Variants in ZNF23 observed in about 807,000 individuals in gnomAD.
ZNF23 encodes kruppel-like zinc finger factor X31.
Under a neutral mutation model 56.2 loss-of-function variants are expected in ZNF23, and 48 were observed. The ratio of observed to expected loss-of-function variants is 0.85; its 90% CI spans 0.68 to 1.09. The LOEUF (loss-of-function observed/expected upper bound fraction) is 1.09, where lower values mean the gene tolerates loss of function less well. ZNF23 is among the 50% of genes least tolerant of loss of function. The pLI, the probability that ZNF23 is intolerant of heterozygous loss-of-function variation, is 0.00. For missense variants in ZNF23, 805 were observed against 811.4 expected (o/e 0.99, Z 0.10); for synonymous variants, 266 against 283.3 (o/e 0.94, Z 0.61).
intron 3 of ZNF23, 115 bp downstream of exon 3, chr16:71,453,927 T>C (rs981974428): frequency 7.9e-7 from 1 of 1,263,170 alleles, no homozygotes; most frequent in African/African-American, 1.5e-5. Flanking sequence ...GGAACAGCTC[T>C]GGGGTTCTCA....
chr16:71,450,494 A>G, intron 4 of ZNF23: 1 of 274,570 alleles, frequency 3.6e-6, no homozygotes, highest in Non-Finnish European at 7.2e-6. Flanking sequence ...TGAAGCAGGC[A>G]GATTGCCTGA....
At chr16:71,456,114 TG>T in intron 2 of ZNF23, 1 of 449,430 alleles carries the variant, frequency 2.2e-6, no homozygotes, top group Middle Eastern at 4.0e-4. Context: ...AGGGGATCCG[TG>T]AAGTCCCTGA....
At chr16:71,458,052 G>C (rs2043304401) in intron 1 of ZNF23, among the ~76,000 whole-genome samples, 1 of 152,122 alleles carries the variant, frequency 6.6e-6, no homozygotes, top group South Asian at 2.1e-4. Flanking sequence ...GTCTTGAGAG[G>C]TCAGTCCTCC....
In ZNF23 at chr16:71,455,351, T is replaced by C. The variant is rs890487926; in HGVS notation, c.34-1183A>G. On this transcript the variant is annotated intron_variant, in intron 2 of 4. Coordinates refer to ENST00000647773, the MANE Select transcript of ZNF23 (RefSeq NM_001381984.1). ...ACCACAAATCCTTTGAGTCTCTATG[T>C]CCGAAAGATTTTTTTTTTTCTTTGA... Among the ~76,000 whole-genome samples the C allele has an allele frequency of 3.3e-5, 5 of 151,998 alleles. No homozygotes were observed. The East Asian group carries it at 9.7e-4, about 29-fold the overall frequency.
Position 71,449,792 on chromosome 16 carries a change from G to A in ZNF23, c.362C>T (p.Thr121Ile). The A allele has an allele frequency of 6.2e-7, 1 of 1,613,960 alleles. No homozygotes were observed. Among genetic ancestry groups the A allele is most frequent in the Non-Finnish European group, 8.5e-7 (1 of 1,179,998 alleles). Residue 121 changes from threonine (T) to isoleucine (I), a missense_variant, in exon 5 of 5, where the codon ACA becomes ATA. Thr to Ile is a moderately conservative substitution (Grantham distance 89). Coordinates refer to ENST00000647773, the MANE Select transcript of ZNF23 (RefSeq NM_001381984.1). The stretch of plus-strand genomic sequence containing the variant: ...TAGAAGAGAGGCTTCTGAAAAGTCT[G>A]TTTCCTGGGAAAAGTCTCTTTGAAG... Reference protein sequence around the residue: ...FELQRDFSQETDFSEASLLEK... With the variant: ...FELQRDFSQEIDFSEASLLEK...
intron 4 of ZNF23, 88 bp from the exon 5 acceptor site, chr16:71,449,973 G>C (rs1025769531): frequency 9.0e-7 from 1 of 1,108,668 alleles, no homozygotes; most frequent in Non-Finnish European, 1.2e-6. Context: ...ATAATAATCA[G>C]GGGGCTCCTT....
Position 71,449,303 on chromosome 16 carries a change from G to A in ZNF23, c.851C>T (p.Thr284Ile). Residue 284 changes from threonine to isoleucine, a missense_variant, in exon 5 of 5, where the codon ACA becomes ATA. Physicochemically the swap from Thr to Ile is moderately conservative, Grantham distance 89. Transcript: ENST00000647773. ...KSFSYSSHYI[T>I]HQTIHSGEKP... ...CTCCCCACTGTGGATTGTCTGATGTGTGATATAATGGGAACTGTAGCTGAA... is the reference window on the plus strand; with the variant it reads ...CTCCCCACTGTGGATTGTCTGATGTATGATATAATGGGAACTGTAGCTGAA... The A allele has an allele frequency of 6.2e-7, 1 of 1,614,014 alleles. No homozygotes were observed.
chr16:71,455,670 C>A (rs574280455), intron 2 of ZNF23, among the ~76,000 whole-genome samples: 1 of 152,040 alleles, frequency 6.6e-6, no homozygotes, highest in Non-Finnish European at 1.5e-5. Context: ...ATTTTTCTAT[C>A]TTAAGCATTA....
intron 4 of ZNF23, chr16:71,450,101 C>A (rs956408826): frequency 6.0e-5 from 24 of 402,656 alleles, no homozygotes; most frequent in African/African-American, 1.5e-4. Flanking sequence ...AAAAGACATC[C>A]AAGATACAAT....
chr16:71,449,887 T>C lies in ZNF23; in HGVS notation c.269-2A>G. 1 of 1,573,736 alleles carries C rather than the reference T, an allele frequency of 6.4e-7. No individual in the cohort carries two copies. The highest frequency in any genetic ancestry group is 8.6e-7 in the Non-Finnish European group (1 of 1,165,260). On this transcript the variant is annotated splice_acceptor_variant, in intron 4 of 4. Coordinates refer to ENST00000647773, the MANE Select transcript of ZNF23 (RefSeq NM_001381984.1). LOFTEE classifies it high-confidence loss of function. ...AATCATTGTCAGTCTGAATATCTAC[T>C]ATAAAAAACAGAAAACATAAAATGT...
chr16:71,448,448 T>C lies in ZNF23; in HGVS notation c.1706A>G (p.His569Arg), dbSNP rs772121633. Residue 569 changes from histidine to arginine, a missense_variant, in exon 5 of 5, where the codon CAT (histidine) becomes CGT (arginine). His to Arg is a conservative substitution (Grantham distance 29). Coordinates refer to ENST00000647773, the MANE Select transcript of ZNF23 (RefSeq NM_001381984.1). The stretch of plus-strand genomic sequence containing the variant: ...ACATTTGAAAGGTTTCTCCCCAGTA[T>C]GTATCCTCTGATGCCTAGTTAGTTT... ...NAKLTRHQRI[H>R]TGEKPFKCME... 9 of 1,614,122 alleles carry C rather than the reference T, an allele frequency of 5.6e-6. No individual in the cohort carries two copies. Among genetic ancestry groups the C allele is most frequent in the East Asian group, 2.2e-5 (1 of 44,906 alleles).
chr16:71,448,181 G>C lies in ZNF23; in HGVS notation c.1973C>G (p.Pro658Arg). 6.2e-7 allele frequency: 1 copy of C among 1,614,180 alleles called. No homozygotes were observed. The highest frequency in any genetic ancestry group is 8.5e-7 in the Non-Finnish European group (1 of 1,180,036). The change falls in exon 5 of 5, where the codon CCC becomes CGC. Residue 658 changes from proline (P) to arginine (R), a missense_variant. By Grantham distance (103) the Pro-to-Arg change is moderately radical (BLOSUM62 -2). Transcript: ENST00000647773. ...IHQTVHTWKKPYMCSVCGKAF... is the reference protein window; with the variant it reads ...IHQTVHTWKKRYMCSVCGKAF... ...TTTCCCACACACACTACACATATAG[G>C]GTTTCTTCCAAGTGTGGACTGTCTG...
intron 1 of ZNF23, among the ~76,000 whole-genome samples, chr16:71,461,094 T>C (rs914210212): frequency 5.9e-5 from 9 of 152,082 alleles, no homozygotes; most frequent in African/African-American, 1.9e-4. Flanking sequence ...TACATGCATA[T>C]GTAATTATTT....
At chr16:71,453,444 G>C in intron 3 of ZNF23, 94 bp from the exon 4 acceptor site, 1 of 980,434 alleles carries the variant, frequency 1.0e-6, no homozygotes, top group Non-Finnish European at 1.6e-6. Context: ...CAATGGGGAG[G>C]GAAGGTAAGA....
intron 4 of ZNF23, chr16:71,451,706 A>G (rs1306884592): frequency 6.6e-6 from 1 of 152,198 alleles, no homozygotes; most frequent in African/African-American, 2.4e-5. Flanking sequence ...AAGCCATCCA[A>G]TCTATGGCAG....
chr16:71,454,736 G>A (rs2043166099), intron 2 of ZNF23, among the ~76,000 whole-genome samples: 3 of 152,158 alleles, frequency 2.0e-5, no homozygotes, highest in African/African-American at 4.8e-5. Context: ...GGGTCTTCCT[G>A]GAAAGCCAGA....
At chr16:71,461,546 C>G (rs1425065363) in intron 1 of ZNF23, 2 of 152,156 alleles carry the variant, frequency 1.3e-5, no homozygotes, top group Non-Finnish European at 2.9e-5. Flanking sequence ...TATGAATTAG[C>G]GATTCTGAGA....
Position 71,449,717 on chromosome 16 carries a change from CT to C in ZNF23, c.436del (p.Ser146AlafsTer8), listed in dbSNP as rs769546375. On this transcript the variant is annotated frameshift_variant, in exon 5 of 5. Transcript: ENST00000647773. LOFTEE classifies it high-confidence loss of function. ...TTTCACTGTTCCATCAATGGTGTTGCTCTTCTCCTTCTTTATATTTCCTGCT... is the reference window on the plus strand; with the variant it reads ...TTTCACTGTTCCATCAATGGTGTTGCCTTCTCCTTCTTTATATTTCCTGCT... Reference protein sequence around the residue: ...HSAGNIKKEKSNTIDGTVKDE... With the variant: ...HSAGNIKKEKXNTIDGTVKDE... 4 of 1,613,974 alleles carry C rather than the reference CT, an allele frequency of 2.5e-6. No homozygotes were observed. In the East Asian group the frequency reaches 8.9e-5, roughly 36 times the overall value.
chr16:71,456,944 C>A (rs2043255300), intron 1 of ZNF23, 116 bp from the exon 2 acceptor site: 1 of 198,658 alleles, frequency 5.0e-6, no homozygotes, highest in African/African-American at 2.4e-5. Flanking sequence ...GGAGTGCGAA[C>A]AGGAGCTGCC....
Sources: gnomAD v4.1 joint callset for allele counts (sites outside exome capture counted in the v4.1 genomes callset) on GRCh38, gnomAD v4.1.1 for gene constraint, MANE v1.5 for transcripts, NCBI Gene and HGNC (gene_info 2026-07-23, HGNC 2026-07-21) for gene names.